Variants in VPS13D observed in about 807,000 individuals in gnomAD.
VPS13D encodes the protein intermembrane lipid transfer protein VPS13D.
In VPS13D, 187 loss-of-function variants were observed where a neutral mutation model predicts 461.9. The observed-to-expected ratio is 0.40, with a 90% CI of 0.36 to 0.46. The LOEUF (loss-of-function observed/expected upper bound fraction) is 0.46. Among genes scored for constraint, VPS13D ranks in the 20% least tolerant of loss-of-function variants. VPS13D has a pLI of 0.60. For missense variants in VPS13D, 4,711 were observed against 5,364.9 expected (o/e 0.88, Z 3.81); for synonymous variants, 1,951 against 1,986.3 (o/e 0.98, Z 0.47).
intron 68 of VPS13D, among the ~76,000 whole-genome samples, chr1:12,501,270 C>T (rs1027106829): frequency 2.6e-5 from 4 of 151,924 alleles, no homozygotes; most frequent in Admixed American, 2.6e-4. Flanking sequence ...TAAATACAAA[C>T]CTTATAGTAA....
intron 23 of VPS13D, among the ~76,000 whole-genome samples, chr1:12,292,880 G>A (rs1642175177): frequency 6.6e-6 from 1 of 152,094 alleles, no homozygotes; most frequent in African/African-American, 2.4e-5. Context: ...TCTATACCTT[G>A]GTGTCATGAA....
rs371408465 is a variant in VPS13D at position 12,283,399 on chromosome 1, C to T, written c.5297C>T (p.Pro1766Leu). ...TATCCCTTGACCCCACCTCCTTCTCCAACAGTGGATGAGCCCAAGATACTT... is the reference window on the plus strand; with the variant it reads ...TATCCCTTGACCCCACCTCCTTCTCTAACAGTGGATGAGCCCAAGATACTT... ...KDYPLTPPPS[P>L]TVDEPKILVG... The change falls in exon 21 of 70, where the codon CCA becomes CTA. Residue 1766 changes from proline to leucine, a missense_variant. Pro to Leu is a moderately conservative substitution (Grantham distance 98). Transcript: ENST00000620676. 1 of 1,614,110 alleles carries T rather than the reference C, an allele frequency of 6.2e-7. No individual in the cohort carries two copies. The highest frequency in any genetic ancestry group is 8.5e-7 in the Non-Finnish European group (1 of 1,180,046).
At chr1:12,467,858 A>G (rs749166688) in intron 67 of VPS13D, among the ~76,000 whole-genome samples, 12 of 151,984 alleles carry the variant, frequency 7.9e-5, no homozygotes, top group Non-Finnish European at 1.8e-4. Context: ...AATTTTTGCC[A>G]TTTTTGGCAT....
chr1:12,355,916 T>C lies in VPS13D; in HGVS notation c.9697T>C (p.Phe3233Leu), dbSNP rs745918316. Reference protein sequence around the residue: ...NIELGVSLENFPLCKELLIPP... With the variant: ...NIELGVSLENLPLCKELLIPP... The stretch of plus-strand genomic sequence containing the variant: ...TTCTTTAGGGGTATCACTGGAGAAT[T>C]TCCCCCTCTGTAAAGAATTGCTCAT... The change falls in exon 48 of 70, where the codon TTC becomes CTC. Residue 3233 changes from phenylalanine to leucine, a missense_variant. Physicochemically the swap from Phe to Leu is conservative, Grantham distance 22. This residue lies in a region of VPS13D where 4,411 missense variants were observed against 4,937.8 expected (regional missense o/e 0.89). Transcript: ENST00000620676. 6.3e-7 allele frequency: 1 copy of C among 1,591,188 alleles called. No homozygotes were observed. Among genetic ancestry groups the C allele is most frequent in the Non-Finnish European group, 8.6e-7 (1 of 1,164,600 alleles).
intron 32 of VPS13D, 88 bp downstream of exon 32, chr1:12,319,718 G>A: frequency 1.3e-6 from 2 of 1,576,438 alleles, no homozygotes; most frequent in Non-Finnish European, 8.7e-7. Context: ...AAACTTTCAT[G>A]AGGGGAAGGA....
rs561707785 is a variant in VPS13D at position 12,335,989 on chromosome 1, T to G, written c.8551+162T>G. The G allele has an allele frequency of 2.9e-6, 3 of 1,041,108 alleles. No homozygotes were observed. In the East Asian group the frequency reaches 8.1e-5, roughly 28 times the overall value. The allele number at this position is 1,041,108 out of a possible 1,614,324, so 64.5% of individuals were successfully genotyped here. ...TTTTAGTCTTTGCAGGAGACAGTTT[T>G]CTGGCATGAACTACTGAACTTATAA... is the stretch of plus-strand genomic sequence containing the variant. On this transcript the variant is annotated intron_variant, in intron 39 of 69. Transcript: ENST00000620676.
At chr1:12,478,786 CTGTT>C (rs1243661527) in intron 67 of VPS13D, 5 of 455,962 alleles carry the variant, frequency 1.1e-5, no homozygotes, top group South Asian at 4.6e-5. Context: ...GAGTAGCTCT[CTGTT>C]TGTGGTATAA....
intron 17 of VPS13D, 100 bp from the exon 18 acceptor site, chr1:12,272,903 A>G: frequency 6.7e-7 from 1 of 1,487,122 alleles, no homozygotes; most frequent in South Asian, 1.4e-5. Flanking sequence ...TCACTGAGTC[A>G]CTCCATAATC....
rs77016202 is a variant in VPS13D, at chr1:12,363,461, T to C, written c.10448+214T>C. On this transcript the variant is annotated intron_variant, in intron 52 of 69. Coordinates refer to ENST00000620676, the MANE Select transcript of VPS13D (RefSeq NM_015378.4). ...TGACCATGGTGTAATTGCTGTTGTC[T>C]AATCCAAAGAGTAACACTGAGCTCA... is the stretch of plus-strand genomic sequence containing the variant. 4.2e-3 allele frequency among the ~76,000 whole-genome samples: 647 copies of C among 152,328 alleles called. 3 individuals are homozygous for C. Among genetic ancestry groups the C allele is most frequent in the African/African-American group, 0.015 (623 of 41,566 alleles).
chr1:12,274,286 C>T (rs1470405165), intron 18 of VPS13D, among the ~76,000 whole-genome samples: 1 of 152,224 alleles, frequency 6.6e-6, no homozygotes, highest in East Asian at 1.9e-4. Context: ...GTGATCCGCC[C>T]ACCTTGGCCT....
intron 68 of VPS13D, among the ~76,000 whole-genome samples, chr1:12,501,498 A>C (rs1266644668): frequency 6.6e-6 from 1 of 152,238 alleles, no homozygotes; most frequent in East Asian, 1.9e-4. Flanking sequence ...TTTAAAAGCT[A>C]AATCAGGAGT....
At chr1:12,383,338 A>C (rs1036218737) in intron 58 of VPS13D, among the ~76,000 whole-genome samples, 183 bp downstream of exon 58, 1 of 152,246 alleles carries the variant, frequency 6.6e-6, no homozygotes, top group African/African-American at 2.4e-5. Context: ...TACAACAAAA[A>C]GATAAGCGTA....
intron 60 of VPS13D, among the ~76,000 whole-genome samples, chr1:12,395,580 A>G (rs1027858965): frequency 1.3e-5 from 2 of 152,118 alleles, no homozygotes; most frequent in African/African-American, 4.8e-5. Flanking sequence ...CTGCTTCTGA[A>G]GCTGGGAGAC....
chr1:12,381,980 T>TTCTTTCTTTCTTTC (rs1318974573), intron 57 of VPS13D, among the ~76,000 whole-genome samples: 11 of 131,262 alleles, frequency 8.4e-5, no homozygotes, highest in Non-Finnish European at 1.1e-4. Flanking sequence ...CTTTCTTTCT[T>TTCTTTCTTTCTTTC]TCTCTCTCTC....
Position 12,319,640 on chromosome 1 carries a change from C to G in VPS13D, c.7548+10C>G, listed in dbSNP as rs764639702. 7.4e-6 allele frequency: 12 copies of G among 1,614,068 alleles called. No individual in the cohort carries two copies. The highest frequency in any genetic ancestry group is 2.7e-5 in the African/African-American group (2 of 74,928). On this transcript the variant is annotated intron_variant, in intron 32 of 69. Coordinates refer to ENST00000620676, the MANE Select transcript of VPS13D (RefSeq NM_015378.4). ...TTTGTTTGGCATTGAGGTAAGAAGT[C>G]TATGTGTTGATCACAGCACTGCGTG... is the stretch of plus-strand genomic sequence containing the variant.
chr1:12,406,431 C>T (rs1287643416), intron 63 of VPS13D, among the ~76,000 whole-genome samples: 1 of 152,156 alleles, frequency 6.6e-6, no homozygotes, highest in African/African-American at 2.4e-5. Flanking sequence ...AGGTAAACCA[C>T]GTCTTTGGTA....
chr1:12,338,356 TC>T, intron 40 of VPS13D, 51 bp downstream of exon 40: 2 of 1,559,474 alleles, frequency 1.3e-6, no homozygotes, highest in Middle Eastern at 1.7e-4. Flanking sequence ...TTTAAGAACT[TC>T]CTTGTACATC....
At chr1:12,380,525 T>C (rs1017267655) in intron 57 of VPS13D, among the ~76,000 whole-genome samples, 2 of 152,236 alleles carry the variant, frequency 1.3e-5, no homozygotes, top group Non-Finnish European at 2.9e-5. Flanking sequence ...TAAGCAAATA[T>C]GTGTTTGGCA....
At chr1:12,504,029 C>T (rs1042990358) in intron 68 of VPS13D, among the ~76,000 whole-genome samples, 2 of 152,158 alleles carry the variant, frequency 1.3e-5, no homozygotes, top group South Asian at 4.1e-4. Context: ...TCTCTTACCA[C>T]CCTGAGTTTT....
Sources: gnomAD v4.1 joint callset for allele counts (sites outside exome capture counted in the v4.1 genomes callset) on GRCh38, gnomAD v4.1.1 for gene constraint, gnomAD v4.1.1 regional missense constraint, MANE v1.5 for transcripts, NCBI Gene and HGNC (gene_info 2026-07-23, HGNC 2026-07-21) for gene names.